TLE2: variants seen among roughly 807,000 people sequenced by gnomAD.
TLE2 encodes transducin-like enhancer protein 2.
TLE2 carries 74 observed loss-of-function variants against 97.2 expected under a neutral mutation model. The ratio of observed to expected loss-of-function variants is 0.76; its 90% confidence interval spans 0.63 to 0.92. The LOEUF (loss-of-function observed/expected upper bound fraction) is 0.92, where lower values mean the gene tolerates loss of function less well. Among genes scored for constraint, TLE2 ranks in the 40% least tolerant of loss-of-function variants. The probability of loss-of-function intolerance (pLI) is 0.00; values close to 1 mark genes in which losing one functional copy is unlikely to be tolerated. For synonymous variants in TLE2, 499 were observed against 432.1 expected (o/e 1.15, Z -1.92); for missense variants, 1,038 against 1,008.7 (o/e 1.03, Z -0.39).
chr19:3,015,514 G>C (rs1368642063), intron 9 of TLE2, 139 bp downstream of exon 9: 2 of 657,278 alleles, frequency 3.0e-6, no homozygotes, highest in East Asian at 2.7e-5. Flanking sequence ...TGATTGGTCA[G>C]TACTCTGAGT....
In TLE2 at chr19:3,001,179, T is replaced by C. The variant is rs1288125015; in HGVS notation, c.2048-456A>G. On this transcript the variant is annotated intron_variant, in intron 18 of 19. Transcript: ENST00000262953. ...CTCCAGCTACTTGGGAGGCTGAGGC[T>C]TGAGAATCGCTTGAACCCAGGACGC... Among the ~76,000 whole-genome samples the C allele has an allele frequency of 2.6e-5, 4 of 151,992 alleles. 1 individual carries two copies. Among genetic ancestry groups the C allele is most frequent in the Admixed American group, 1.3e-4 (2 of 15,238 alleles).
In TLE2 at chr19:3,009,534, G is replaced by C; in HGVS notation, c.1173+8C>G. On this transcript the variant is annotated splice_region_variant and intron_variant, in intron 13 of 19. Transcript: ENST00000262953. ...TGACACCTCCTGCGCCCCCACCCAAGGACTCACCACGGGGGAGCGTCCGTA... is the reference window on the plus strand; with the variant it reads ...TGACACCTCCTGCGCCCCCACCCAACGACTCACCACGGGGGAGCGTCCGTA... 6.3e-7 allele frequency: 1 copy of C among 1,595,044 alleles called. No homozygotes were observed. Among genetic ancestry groups the C allele is most frequent in the Non-Finnish European group, 8.5e-7 (1 of 1,170,798 alleles).
At chr19:3,028,522 T>G in intron 2 of TLE2, 140 bp from the exon 3 acceptor site, 1 of 883,450 alleles carries the variant, frequency 1.1e-6, no homozygotes, top group East Asian at 3.0e-5. Flanking sequence ...CGCCCCTTCC[T>G]GGGCTCCAAA....
intron 17 of TLE2, among the ~76,000 whole-genome samples, chr19:3,005,059 C>T (rs1324207860): frequency 6.6e-6 from 1 of 152,034 alleles, no homozygotes; most frequent in African/African-American, 2.4e-5. Context: ...AGTAGCTCCC[C>T]CATGGTTAGT....
intron 18 of TLE2, 54 bp from the exon 19 acceptor site, chr19:3,000,777 G>T: frequency 1.4e-6 from 2 of 1,425,798 alleles, no homozygotes; most frequent in Non-Finnish European, 1.9e-6. Context: ...GAGAGACCCG[G>T]GCTGCAGGGG....
At chr19:3,018,646 A>T (rs1599227563) in intron 7 of TLE2, among the ~76,000 whole-genome samples, 1 of 145,890 alleles carries the variant, frequency 6.9e-6, no homozygotes, top group East Asian at 2.1e-4. Flanking sequence ...ACAGAGTCTC[A>T]CTCTCTCACT....
chr19:3,007,746 C>T (rs1046309102), intron 14 of TLE2, among the ~76,000 whole-genome samples: 5 of 152,102 alleles, frequency 3.3e-5, no homozygotes, highest in African/African-American at 7.2e-5. Flanking sequence ...CTAGGAGCCC[C>T]GGCCACCTGT....
intron 1 of TLE2, among the ~76,000 whole-genome samples, chr19:3,037,085 G>A (rs888823439): frequency 6.6e-6 from 1 of 152,208 alleles, no homozygotes; most frequent in African/African-American, 2.4e-5. Flanking sequence ...AGGAGTTCGA[G>A]ACCAGCCTGG....
At chr19:3,024,978 C>T (rs761908697) in intron 5 of TLE2, 42 bp downstream of exon 5, 7 of 1,527,070 alleles carry the variant, frequency 4.6e-6, no homozygotes, top group East Asian at 2.4e-5. Flanking sequence ...CGTCTTCTTC[C>T]GGCTCCCTTC....
rs1485049038 is a variant in TLE2, at chr19:3,011,117, G to C, written c.917C>G (p.Ser306Cys). 2 of 1,610,670 alleles carry C rather than the reference G, an allele frequency of 1.2e-6. No individual in the cohort carries two copies. The highest frequency in any genetic ancestry group is 1.7e-6 in the Non-Finnish European group (2 of 1,178,840). The change falls in exon 12 of 20, where the codon TCC becomes TGC. Residue 306 changes from serine to cysteine, a missense_variant. Transcript: ENST00000262953. The part of the protein sequence containing the change: ...ASTPASKSCD[S>C]SPPQDASTPG... The stretch of plus-strand genomic sequence containing the variant: ...GGTGGAAGCGTCCTGGGGCGGGGAG[G>C]AGTCACAGGATTTGGAGGCAGGAGT...
At chr19:3,030,483 TG>T (rs1239521752), upstream of TLE2, among the ~76,000 whole-genome samples, 2 of 152,212 alleles carry the variant, frequency 1.3e-5, no homozygotes, top group Non-Finnish European at 2.9e-5. Flanking sequence ...CTGTAGACAC[TG>T]GGGCACAGCT....
chr19:3,016,334 G>C (rs966448897), intron 8 of TLE2, among the ~76,000 whole-genome samples: 17 of 150,150 alleles, frequency 1.1e-4, no homozygotes, highest in African/African-American at 4.1e-4. Flanking sequence ...CCAGCACTTT[G>C]GGAGGCCGAG....
At chr19:3,020,026 G>C in intron 5 of TLE2, 1 of 524,216 alleles carries the variant, frequency 1.9e-6, no homozygotes, top group South Asian at 2.3e-5. Flanking sequence ...CTCACGCCTG[G>C]AATCCCAGCG....
intron 5 of TLE2, among the ~76,000 whole-genome samples, chr19:3,023,125 G>A (rs900039333): frequency 4.0e-5 from 6 of 151,182 alleles, no homozygotes; most frequent in Non-Finnish European, 7.4e-5. Flanking sequence ...TGCGAACTCG[G>A]CTCACTGCAA....
At chr19:3,017,452 C>CTT (rs529847551) in intron 8 of TLE2, among the ~76,000 whole-genome samples, 10,381 of 123,766 alleles carry the variant, frequency 0.084, 987 homozygotes, top group African/African-American at 0.22. Flanking sequence ...TTCTTTCTTT[C>CTT]TTTTTTTTTT....
At chr19:3,038,491 GT>G (rs2090077191) in intron 1 of TLE2, among the ~76,000 whole-genome samples, 1 of 152,242 alleles carries the variant, frequency 6.6e-6, no homozygotes, top group African/African-American at 2.4e-5. Flanking sequence ...GGGATTACAG[GT>G]GTGAAACACT....
intron 8 of TLE2, among the ~76,000 whole-genome samples, chr19:3,016,589 CAAAAA>C (rs10603560): frequency 3.9e-4 from 42 of 106,742 alleles, no homozygotes; most frequent in African/African-American, 1.3e-3. Context: ...GACTCAGTCT[CAAAAA>C]AAAAAAAAAA....
intron 4 of TLE2, among the ~76,000 whole-genome samples, chr19:3,026,104 C>T (rs114823615): frequency 0.012 from 1,765 of 152,176 alleles, 40 homozygotes; most frequent in African/African-American, 0.04. Context: ...ACTGGCCAGT[C>T]TCAGGATCTC....
chr19:3,022,391 T>G (rs2089862395), intron 5 of TLE2, among the ~76,000 whole-genome samples: 1 of 150,736 alleles, frequency 6.6e-6, no homozygotes, highest in African/African-American at 2.4e-5. Context: ...CTAGCCGGCA[T>G]GATGGTGGGT....
Sources: gnomAD v4.1 joint callset for allele counts (sites outside exome capture counted in the v4.1 genomes callset) on GRCh38, gnomAD v4.1.1 for gene constraint, MANE v1.5 for transcripts, NCBI Gene and HGNC (gene_info 2026-07-23, HGNC 2026-07-21) for gene names.